ADGRL3: variants seen among roughly 807,000 people sequenced by gnomAD.
ADGRL3 encodes calcium-independent alpha-latrotoxin receptor 3.
In ADGRL3, 62 loss-of-function variants were observed where a neutral mutation model predicts 153.5. That is an observed-to-expected ratio of 0.40 (90% CI 0.33 to 0.50). The LOEUF (loss-of-function observed/expected upper bound fraction) is 0.50, where lower values mean the gene tolerates loss of function less well. Ranked by LOEUF, ADGRL3 falls within the 20% of genes least tolerant of loss-of-function variation. The pLI is 0.47. For missense variants in ADGRL3, 1,641 were observed against 1,859.4 expected, an observed-to-expected ratio of 0.88 and a Z score of 2.16; for synonymous variants, 710 against 672.5, an observed-to-expected ratio of 1.06 and a Z score of -0.86.
chr4:61,612,920 G>A lies in ADGRL3; in HGVS notation c.473+25480G>A, dbSNP rs377076248. 1.4e-4 allele frequency among the ~76,000 whole-genome samples: 22 copies of A among 152,246 alleles called. No homozygotes were observed. In the South Asian group the frequency reaches 1.5e-3, roughly 10 times the overall value. On this transcript the variant is annotated intron_variant, in intron 5 of 26. Coordinates refer to ENST00000683033, the MANE Select transcript of ADGRL3 (RefSeq NM_001387552.1). The stretch of plus-strand genomic sequence containing the variant: ...CTGGGAGCTACTGTCTACATAAGGG[G>A]AGAAAAGAGAGAAGAAGAAATCTTA...
At chr4:61,868,877 C>T (rs1365983532) in intron 9 of ADGRL3, among the ~76,000 whole-genome samples, 1 of 152,124 alleles carries the variant, frequency 6.6e-6, no homozygotes, top group Non-Finnish European at 1.5e-5. Context: ...TGCTTTCCAG[C>T]GATGCTATTA....
intron 19 of ADGRL3, among the ~76,000 whole-genome samples, chr4:61,989,300 T>G (rs1394830491): frequency 6.6e-6 from 1 of 152,226 alleles, no homozygotes; most frequent in African/African-American, 2.4e-5. Context: ...AGTATTTTGC[T>G]AAGCAATTAT....
At chr4:61,492,937 A>G (rs1020537603) in intron 2 of ADGRL3, among the ~76,000 whole-genome samples, 2 of 152,138 alleles carry the variant, frequency 1.3e-5, no homozygotes, top group African/African-American at 2.4e-5. Context: ...CTTTACTTTT[A>G]AATTTTGGAT....
chr4:61,206,915 A>G (rs951557071), intron 1 of ADGRL3, among the ~76,000 whole-genome samples: 2 of 152,006 alleles, frequency 1.3e-5, no homozygotes, highest in Non-Finnish European at 2.9e-5. Flanking sequence ...CCCAGGAGGT[A>G]GAGGTTGCAG....
intron 2 of ADGRL3, among the ~76,000 whole-genome samples, chr4:61,413,756 CAACAAACAAACA>C (rs71211382): frequency 6.6e-6 from 1 of 151,236 alleles, no homozygotes; most frequent in Non-Finnish European, 1.5e-5. Flanking sequence ...AAACAACAAA[CAACAAACAAACA>C]AACAAACAAA....
At chr4:61,744,324 C>T (rs2096624111) in intron 8 of ADGRL3, among the ~76,000 whole-genome samples, 1 of 152,186 alleles carries the variant, frequency 6.6e-6, no homozygotes, top group African/African-American at 2.4e-5. Context: ...CCTCTGCATA[C>T]TTAAGTGTCC....
intron 6 of ADGRL3, among the ~76,000 whole-genome samples, chr4:61,725,468 G>A (rs996615542): frequency 5.3e-5 from 8 of 151,954 alleles, no homozygotes; most frequent in Non-Finnish European, 4.4e-5. Flanking sequence ...GGTGGCAGGT[G>A]CCTGTAGTCC....
intron 13 of ADGRL3, among the ~76,000 whole-genome samples, chr4:61,932,237 A>G (rs2098820630): frequency 6.6e-6 from 1 of 152,082 alleles, no homozygotes; most frequent in Admixed American, 6.5e-5. Context: ...TAGTGGCAAG[A>G]GTGGGCACCT....
chr4:61,556,456 G>A (rs2148898154), intron 4 of ADGRL3, among the ~76,000 whole-genome samples: 1 of 152,148 alleles, frequency 6.6e-6, no homozygotes, highest in Non-Finnish European at 1.5e-5. Context: ...GGAGGTGGGA[G>A]GTGTTAGGGC....
intron 8 of ADGRL3, among the ~76,000 whole-genome samples, chr4:61,750,211 A>G (rs965767796): frequency 8.7e-5 from 13 of 149,670 alleles, no homozygotes; most frequent in African/African-American, 2.7e-4. Context: ...AAAAAAAGGC[A>G]GTATTCCCTA....
chr4:61,856,156 C>T (rs1185684957), intron 9 of ADGRL3, among the ~76,000 whole-genome samples: 1 of 152,076 alleles, frequency 6.6e-6, no homozygotes, highest in Non-Finnish European at 1.5e-5. Context: ...TCACTTGAAT[C>T]CAGGACTTGG....
At chr4:61,959,487 C>G (rs1290501193) in intron 17 of ADGRL3, among the ~76,000 whole-genome samples, 1 of 152,066 alleles carries the variant, frequency 6.6e-6, no homozygotes. Flanking sequence ...CCCAACTTCA[C>G]CTCATTCCAA....
At chr4:61,432,988 C>T (rs957599601) in intron 2 of ADGRL3, among the ~76,000 whole-genome samples, 1 of 151,890 alleles carries the variant, frequency 6.6e-6, no homozygotes, top group Admixed American at 6.6e-5. Context: ...TTAAAACTGG[C>T]AATTCTAGAT....
intron 25 of ADGRL3, among the ~76,000 whole-genome samples, chr4:62,053,774 A>G (rs959423345): frequency 6.6e-6 from 1 of 151,600 alleles, no homozygotes; most frequent in African/African-American, 2.4e-5. Context: ...CTTTTCAAAT[A>G]TAGCTTCCAA....
At chr4:61,299,043 G>A (rs7676888) in intron 1 of ADGRL3, among the ~76,000 whole-genome samples, 102,209 of 151,980 alleles carry the variant, frequency 0.67, 35,074 homozygotes, top group East Asian at 0.97. Flanking sequence ...TAAATATTGA[G>A]TATTTAGCTT....
intron 9 of ADGRL3, among the ~76,000 whole-genome samples, chr4:61,858,584 G>A (rs1015110169): frequency 6.6e-6 from 1 of 152,214 alleles, no homozygotes; most frequent in African/African-American, 2.4e-5. Context: ...TTGTGCCACT[G>A]CACTCCATCC....
At chr4:61,875,112 A>G (rs1024459838) in intron 9 of ADGRL3, among the ~76,000 whole-genome samples, 1 of 152,100 alleles carries the variant, frequency 6.6e-6, no homozygotes, top group Admixed American at 6.5e-5. Context: ...CCGGCCCAAA[A>G]TGCTCTTTTA....
intron 1 of ADGRL3, among the ~76,000 whole-genome samples, chr4:61,311,215 G>T (rs2094990640): frequency 6.6e-6 from 1 of 152,130 alleles, no homozygotes; most frequent in South Asian, 2.1e-4. Flanking sequence ...CTTGTATTCA[G>T]TGCATGACAG....
chr4:61,221,464 T>C (rs1745503034), intron 1 of ADGRL3, among the ~76,000 whole-genome samples: 1 of 152,120 alleles, frequency 6.6e-6, no homozygotes, highest in Non-Finnish European at 1.5e-5. Flanking sequence ...GTTCTCTAAT[T>C]ATAGTATTCA....
Sources: gnomAD v4.1 joint callset for allele counts (sites outside exome capture counted in the v4.1 genomes callset) on GRCh38, gnomAD v4.1.1 for gene constraint, MANE v1.5 for transcripts, NCBI Gene and HGNC (gene_info 2026-07-23, HGNC 2026-07-21) for gene names.